TYW1B: variants seen among roughly 807,000 people sequenced by gnomAD.
The protein encoded by TYW1B is S-adenosyl-L-methionine-dependent tRNA 4-demethylwyosine synthase TYW1B.
A neutral mutation model predicts 86.9 loss-of-function variants in TYW1B; 73 were observed. That is an observed-to-expected ratio of 0.84 (90% CI 0.70 to 1.02). The LOEUF is 1.02. TYW1B is among the 50% of genes least tolerant of loss of function. The probability of loss-of-function intolerance (pLI) is 0.00; values close to 1 mark genes in which losing one functional copy is unlikely to be tolerated. For missense variants in TYW1B, 637 were observed against 827.4 expected (o/e 0.77, Z 2.82); for synonymous variants, 248 against 292.8 (o/e 0.85, Z 1.56).
chr7:72,710,059 C>T (rs35808409), intron 10 of TYW1B, among the ~76,000 whole-genome samples: 10 of 152,168 alleles, frequency 6.6e-5, no homozygotes, highest in Non-Finnish European at 7.4e-5. Flanking sequence ...CGGCATTTTG[C>T]TGGACGTTTT....
In TYW1B at chr7:72,751,707, C is replaced by A. The variant is rs1411641511; in HGVS notation, c.965-7106G>T. On this transcript the variant is annotated intron_variant, in intron 7 of 13. Coordinates refer to ENST00000620995, the MANE Select transcript of TYW1B (RefSeq NM_001145440.3). The stretch of plus-strand genomic sequence containing the variant: ...TCCTTGGTATGGCAAGAGATGTTTT[C>A]TTGTGTCCTAGACATTCTGTCTATT... Among the ~76,000 whole-genome samples the A allele has an allele frequency of 2.0e-5, 3 of 152,320 alleles. No individual in the cohort carries two copies. In the South Asian group the frequency reaches 6.2e-4, roughly 32 times the overall value.
At chr7:72,721,403 C>T (rs1554457493) in intron 9 of TYW1B, among the ~76,000 whole-genome samples, 2 of 152,136 alleles carry the variant, frequency 1.3e-5, no homozygotes, top group Non-Finnish European at 2.9e-5. Flanking sequence ...TCCTCTCCAG[C>T]ACCTGTTGTT....
intron 6 of TYW1B, among the ~76,000 whole-genome samples, chr7:72,793,664 A>G (rs565046746): frequency 1.3e-5 from 2 of 151,958 alleles, no homozygotes; most frequent in South Asian, 4.2e-4. Context: ...GCTGAGGCAG[A>G]GAATTGCTTG....
At chr7:72,707,321 G>C (rs1554453884) in intron 10 of TYW1B, among the ~76,000 whole-genome samples, 1 of 152,262 alleles carries the variant, frequency 6.6e-6, no homozygotes, top group African/African-American at 2.4e-5. Flanking sequence ...GAGAGGTCAT[G>C]TGAATAGAGG....
At chr7:72,694,313 T>C (rs1436981974) in intron 11 of TYW1B, among the ~76,000 whole-genome samples, 1 of 152,148 alleles carries the variant, frequency 6.6e-6, no homozygotes, top group African/African-American at 2.4e-5. Flanking sequence ...TTGGTACCCA[T>C]GGGGAGTCCT....
intron 6 of TYW1B, among the ~76,000 whole-genome samples, chr7:72,790,901 G>C (rs1404268862): frequency 6.6e-6 from 1 of 152,212 alleles, no homozygotes; most frequent in Non-Finnish European, 1.5e-5. Flanking sequence ...GCCCCAGCAA[G>C]GGGCCCTCCT....
At chr7:72,622,798 C>T (rs1296869111) in intron 12 of TYW1B, among the ~76,000 whole-genome samples, 25 of 151,892 alleles carry the variant, frequency 1.6e-4, no homozygotes, top group Non-Finnish European at 3.4e-4. Context: ...ACATGCATAA[C>T]ACACACAACA....
At chr7:72,798,003 A>T (rs1253745824) in intron 6 of TYW1B, among the ~76,000 whole-genome samples, 12 of 58,712 alleles carry the variant, frequency 2.0e-4, no homozygotes, top group African/African-American at 5.3e-4. Context: ...AATACTATTT[A>T]TATATATACA....
intron 13 of TYW1B, among the ~76,000 whole-genome samples, chr7:72,577,346 T>G (rs2129567501): frequency 6.6e-6 from 1 of 152,298 alleles, no homozygotes; most frequent in South Asian, 2.1e-4. Flanking sequence ...ACTCTATGAA[T>G]TAGAGGAAAT....
chr7:72,669,624 T>C (rs1239681255), intron 11 of TYW1B, among the ~76,000 whole-genome samples: 13 of 149,822 alleles, frequency 8.7e-5, no homozygotes, highest in African/African-American at 3.2e-4. Context: ...CAGCCAGGCA[T>C]GGTGGCATGG....
intron 6 of TYW1B, among the ~76,000 whole-genome samples, chr7:72,790,339 G>A (rs1554473187): frequency 6.6e-6 from 1 of 152,068 alleles, no homozygotes; most frequent in African/African-American, 2.4e-5. Flanking sequence ...AGGGCAATGT[G>A]GTATCAGCCC....
At chr7:72,667,678 A>T (rs1554445576) in intron 11 of TYW1B, among the ~76,000 whole-genome samples, 1 of 152,164 alleles carries the variant, frequency 6.6e-6, no homozygotes, top group Non-Finnish European at 1.5e-5. Context: ...ATGCCACTGC[A>T]CTCCAGCCTG....
At chr7:72,645,882 C>T (rs2960987) in intron 11 of TYW1B, among the ~76,000 whole-genome samples, 66,889 of 150,430 alleles carry the variant, frequency 0.44, 16,907 homozygotes, top group African/African-American at 0.7. Context: ...TCATGTAAGA[C>T]CTGTGCCCTT....
chr7:72,736,310 G>A (rs1329751594), intron 8 of TYW1B, among the ~76,000 whole-genome samples: 1 of 152,200 alleles, frequency 6.6e-6, no homozygotes, highest in Non-Finnish European at 1.5e-5. Context: ...AAGAGGAATA[G>A]GCTACGACCT....
chr7:72,597,610 A>C (rs1242164626), intron 13 of TYW1B, among the ~76,000 whole-genome samples: 1 of 151,974 alleles, frequency 6.6e-6, no homozygotes, highest in African/African-American at 2.4e-5. Flanking sequence ...AACTAGACAC[A>C]CCTCTGGGCA....
At chr7:72,800,303 T>C (rs1554475374) in intron 6 of TYW1B, among the ~76,000 whole-genome samples, 2 of 151,584 alleles carry the variant, frequency 1.3e-5, no homozygotes, top group African/African-American at 4.8e-5. Flanking sequence ...GTCCAAGCAA[T>C]CCTTCCACCT....
intron 11 of TYW1B, among the ~76,000 whole-genome samples, chr7:72,630,642 G>A (rs529156809): frequency 2.6e-5 from 4 of 152,230 alleles, no homozygotes; most frequent in South Asian, 4.1e-4. Context: ...CTAAGAGGTC[G>A]TTAATAAGGA....
chr7:72,745,395 T>A (rs1303473246), intron 7 of TYW1B, among the ~76,000 whole-genome samples: 1 of 152,124 alleles, frequency 6.6e-6, no homozygotes. Context: ...ATTATTCCCA[T>A]TTCCAAAAAG....
At chr7:72,737,908 G>A (rs1254088471) in intron 8 of TYW1B, among the ~76,000 whole-genome samples, 6 of 150,210 alleles carry the variant, frequency 4.0e-5, no homozygotes, top group African/African-American at 1.5e-4. Flanking sequence ...CTGAGTAGCT[G>A]GGACTACAGG....
Sources: gnomAD v4.1 joint callset for allele counts (sites outside exome capture counted in the v4.1 genomes callset) on GRCh38, gnomAD v4.1.1 for gene constraint, MANE v1.5 for transcripts, NCBI Gene and HGNC (gene_info 2026-07-23, HGNC 2026-07-21) for gene names.